NTM: variants seen among roughly 807,000 people sequenced by gnomAD.
The protein encoded by NTM is neurotrimin, also known as IgLON family member 2.
A neutral mutation model predicts 42.1 loss-of-function variants in NTM; 13 were observed. That is an observed-to-expected ratio of 0.31 (90% confidence interval 0.20 to 0.49). NTM has a LOEUF of 0.49. Among genes scored for constraint, NTM ranks in the 20% least tolerant of loss-of-function variants. The probability of loss-of-function intolerance (pLI) is 0.99; values close to 1 mark genes in which losing one functional copy is unlikely to be tolerated. For missense variants in NTM, 373 were observed against 452.8 expected, an observed-to-expected ratio of 0.82 and a Z score of 1.60; for synonymous variants, 187 against 179.2, an observed-to-expected ratio of 1.04 and a Z score of -0.35.
chr11:132,333,549 C>T (rs1257378136), intron 8 of NTM, among the ~76,000 whole-genome samples: 3 of 152,124 alleles, frequency 2.0e-5, no homozygotes, highest in Admixed American at 6.5e-5. Flanking sequence ...GATTTAAATC[C>T]GCAGGAGCTT....
chr11:131,838,434 T>C (rs1054997519), intron 1 of NTM, among the ~76,000 whole-genome samples: 3 of 152,338 alleles, frequency 2.0e-5, no homozygotes, highest in African/African-American at 2.4e-5. Flanking sequence ...AAATAGTGGA[T>C]TCAATTCCTG....
chr11:131,506,548 C>T (rs2047514081), intron 1 of NTM, among the ~76,000 whole-genome samples: 1 of 152,170 alleles, frequency 6.6e-6, no homozygotes, highest in Admixed American at 6.5e-5. Flanking sequence ...GGAGAGGTGG[C>T]TGCTTCCAGT....
chr11:131,925,383 C>CT (rs61493262), intron 2 of NTM, among the ~76,000 whole-genome samples: 24,270 of 111,406 alleles, frequency 0.22, 3,089 homozygotes, highest in Admixed American at 0.26. Context: ...TTTCTTTTCT[C>CT]TTTTTTTTTT....
At chr11:132,038,160 A>G (rs2076734508) in intron 2 of NTM, among the ~76,000 whole-genome samples, 1 of 152,216 alleles carries the variant, frequency 6.6e-6, no homozygotes, top group African/African-American at 2.4e-5. Context: ...GTCTTGCATT[A>G]GTAAGTCTGA....
At chr11:131,413,919 C>T (rs955264048) in intron 1 of NTM, among the ~76,000 whole-genome samples, 7 of 152,098 alleles carry the variant, frequency 4.6e-5, no homozygotes, top group Admixed American at 4.6e-4. Flanking sequence ...ACAAGGCCTC[C>T]TGTGGCGAAA....
At chr11:131,969,102 G>A (rs2063209979) in intron 2 of NTM, among the ~76,000 whole-genome samples, 1 of 152,186 alleles carries the variant, frequency 6.6e-6, no homozygotes, top group African/African-American at 2.4e-5. Context: ...TCATTTGGAT[G>A]GTAGGCTGCT....
At chr11:131,975,181 T>A (rs1173792082) in intron 2 of NTM, among the ~76,000 whole-genome samples, 1 of 146,580 alleles carries the variant, frequency 6.8e-6, no homozygotes, top group East Asian at 2.3e-4. Context: ...AAAATAAGAA[T>A]CTTGCCTTCT....
intron 2 of NTM, among the ~76,000 whole-genome samples, chr11:132,080,978 T>C (rs188974557): frequency 6.6e-6 from 1 of 152,330 alleles, no homozygotes; most frequent in East Asian, 1.9e-4. Flanking sequence ...TCTACCCAGT[T>C]TTGAGGACTA....
intron 2 of NTM, among the ~76,000 whole-genome samples, chr11:131,995,825 C>T (rs555772550): frequency 6.6e-6 from 1 of 152,078 alleles, no homozygotes; most frequent in South Asian, 2.1e-4. Context: ...TTGGGGGTTT[C>T]TACAGTGGAA....
intron 1 of NTM, among the ~76,000 whole-genome samples, chr11:131,810,437 C>A (rs1038773244): frequency 5.3e-5 from 8 of 152,122 alleles, no homozygotes; most frequent in African/African-American, 1.9e-4. Context: ...TGGGTCTGCA[C>A]CCCCCAATCT....
At chr11:131,612,318 C>A (rs2061525330) in intron 1 of NTM, among the ~76,000 whole-genome samples, 1 of 152,222 alleles carries the variant, frequency 6.6e-6, no homozygotes, top group African/African-American at 2.4e-5. Flanking sequence ...AAACTGTGAG[C>A]AGTAGCAAAG....
intron 1 of NTM, among the ~76,000 whole-genome samples, chr11:131,590,021 C>T (rs1357792214): frequency 6.6e-6 from 1 of 152,240 alleles, no homozygotes; most frequent in African/African-American, 2.4e-5. Flanking sequence ...CTGGAACGTT[C>T]TCACTCCAAG....
chr11:131,420,466 T>C (rs1281956779), intron 1 of NTM, among the ~76,000 whole-genome samples: 1 of 152,180 alleles, frequency 6.6e-6, no homozygotes, highest in Non-Finnish European at 1.5e-5. Context: ...CGTAAGGTCA[T>C]AGATTTATGT....
chr11:132,150,664 G>A (rs999297792), intron 3 of NTM, among the ~76,000 whole-genome samples: 34 of 152,062 alleles, frequency 2.2e-4, no homozygotes, highest in Admixed American at 1.7e-3. Context: ...TAAAAAGATG[G>A]AGTAATGGAG....
chr11:131,586,215 C>T (rs191215719), intron 1 of NTM, among the ~76,000 whole-genome samples: 63 of 152,240 alleles, frequency 4.1e-4, no homozygotes, highest in African/African-American at 1.4e-3. Context: ...AAGCAATCCT[C>T]CCATCTCAGC....
chr11:131,599,928 G>T (rs2060320601), intron 1 of NTM, among the ~76,000 whole-genome samples: 1 of 152,216 alleles, frequency 6.6e-6, no homozygotes, highest in Non-Finnish European at 1.5e-5. Context: ...CTCCCTTCTG[G>T]AGTAAGGACA....
chr11:131,997,929 C>A (rs1171042131), intron 2 of NTM, among the ~76,000 whole-genome samples: 2 of 152,092 alleles, frequency 1.3e-5, no homozygotes, highest in African/African-American at 4.8e-5. Context: ...ATATGCACCT[C>A]TCCTCCCTCT....
At chr11:132,213,271 T>C (rs1427990704) in intron 4 of NTM, among the ~76,000 whole-genome samples, 1 of 152,136 alleles carries the variant, frequency 6.6e-6, no homozygotes, top group African/African-American at 2.4e-5. Flanking sequence ...GGAAACAGAA[T>C]TGGGCAGGTT....
rs367787977 is a variant in NTM, at chr11:132,050,491, G to T, written c.168-95791G>T. On this transcript the variant is annotated intron_variant, in intron 2 of 8. Coordinates refer to ENST00000683400, the MANE Select transcript of NTM (RefSeq NM_001352005.2). ...TAGCAGGCACTGTGTTCACTGTGGG[G>T]AAAGAGAGAAACTGCCCCTGCCTTC... Among the ~76,000 whole-genome samples the T allele has an allele frequency of 2.0e-5, 3 of 152,318 alleles. No homozygotes were observed. The East Asian group carries it at 5.8e-4, about 29-fold the overall frequency.
Sources: gnomAD v4.1 joint callset for allele counts (sites outside exome capture counted in the v4.1 genomes callset) on GRCh38, gnomAD v4.1.1 for gene constraint, MANE v1.5 for transcripts, NCBI Gene and HGNC (gene_info 2026-07-23, HGNC 2026-07-21) for gene names.